The following CAMKMT variants were observed in gnomAD, a reference collection of about 807,000 sequenced individuals.
CAMKMT encodes CaM KMT.
In CAMKMT, 53 loss-of-function variants were observed where a neutral mutation model predicts 48.0. The observed-to-expected ratio is 1.10, with a 90% CI of 0.89 to 1.39. The LOEUF is 1.39. CAMKMT is among the 40% of genes most tolerant of loss of function. The pLI is 0.00. For synonymous variants in CAMKMT, 165 were observed against 152.3 expected (o/e 1.08, Z -0.61); for missense variants, 428 against 402.7 (o/e 1.06, Z -0.54).
intron 3 of CAMKMT, among the ~76,000 whole-genome samples, chr2:44,639,044 C>T (rs1027108510): frequency 6.6e-6 from 1 of 152,158 alleles, no homozygotes; most frequent in African/African-American, 2.4e-5. Context: ...ACATCGATTT[C>T]CTTTGGCTTT....
chr2:44,748,211 G>T (rs1258075341), intron 8 of CAMKMT, among the ~76,000 whole-genome samples: 1 of 152,148 alleles, frequency 6.6e-6, no homozygotes, highest in Non-Finnish European at 1.5e-5. Flanking sequence ...GAACTACAAA[G>T]AATTAATTTT....
At chr2:44,568,943 C>G (rs1242102437) in intron 3 of CAMKMT, among the ~76,000 whole-genome samples, 1 of 152,176 alleles carries the variant, frequency 6.6e-6, no homozygotes, top group Non-Finnish European at 1.5e-5. Context: ...AGGGTCAAGT[C>G]TTGGCTTAGA....
chr2:44,515,460 G>A (rs538177757), intron 3 of CAMKMT, among the ~76,000 whole-genome samples: 1 of 152,280 alleles, frequency 6.6e-6, no homozygotes, highest in South Asian at 2.1e-4. Context: ...GGGATTAGGG[G>A]AGTTACATGA....
chr2:44,735,676 C>A (rs756533934), intron 7 of CAMKMT, among the ~76,000 whole-genome samples: 2 of 151,248 alleles, frequency 1.3e-5, no homozygotes, highest in Non-Finnish European at 2.9e-5. Context: ...CCAAAGTGGG[C>A]GGATCACTTA....
intron 3 of CAMKMT, among the ~76,000 whole-genome samples, chr2:44,604,814 T>C (rs17390029): frequency 0.13 from 19,766 of 152,126 alleles, 1,442 homozygotes; most frequent in Admixed American, 0.23. Flanking sequence ...CCAGGAAATT[T>C]TATGACACAG....
At chr2:44,470,181 A>G (rs956445109) in intron 3 of CAMKMT, among the ~76,000 whole-genome samples, 1 of 152,080 alleles carries the variant, frequency 6.6e-6, no homozygotes, top group Admixed American at 6.6e-5. Context: ...GTGTCAATAT[A>G]GCTTTTGTAG....
intron 2 of CAMKMT, among the ~76,000 whole-genome samples, chr2:44,384,557 C>T (rs1041193588): frequency 7.0e-6 from 1 of 142,926 alleles, no homozygotes; most frequent in Non-Finnish European, 1.5e-5. Flanking sequence ...GAAATCCTTG[C>T]CTAAGACAAT....
chr2:44,723,599 A>C lies in CAMKMT; in HGVS notation c.623+8246A>C, dbSNP rs544437676. 273 of 104,782 alleles carry C rather than the reference A, an allele frequency of 2.6e-3. 2 individuals are homozygous for C. Among genetic ancestry groups the C allele is most frequent in the African/African-American group, 0.013 (259 of 20,466 alleles). 6.5% of individuals were successfully genotyped at this position (104,782 alleles called of 1,614,324 possible). ...GAGCAAGTCCATCTCAAAATAAATA[A>C]ATACATACATAAATAAATAAATAAA... On this transcript the variant is annotated intron_variant, in intron 7 of 10. Coordinates refer to ENST00000378494, the MANE Select transcript of CAMKMT (RefSeq NM_024766.5).
chr2:44,537,561 TTTTTTTTC>T (rs1256790162), intron 3 of CAMKMT, among the ~76,000 whole-genome samples: 2 of 152,106 alleles, frequency 1.3e-5, no homozygotes, highest in African/African-American at 4.8e-5. Context: ...GGGAACTCTT[TTTTTTTTC>T]TTTCTTTCTT....
chr2:44,608,361 C>T (rs910790651), intron 3 of CAMKMT, among the ~76,000 whole-genome samples: 2 of 151,986 alleles, frequency 1.3e-5, no homozygotes, highest in South Asian at 2.1e-4. Flanking sequence ...CATGAGCCAC[C>T]GCACCCAGCC....
chr2:44,648,932 C>T (rs754894989), intron 3 of CAMKMT, among the ~76,000 whole-genome samples: 1 of 152,224 alleles, frequency 6.6e-6, no homozygotes, highest in Non-Finnish European at 1.5e-5. Context: ...CAAATTACTA[C>T]TATAAACCCT....
At chr2:44,554,867 T>A (rs1034158673) in intron 3 of CAMKMT, among the ~76,000 whole-genome samples, 9 of 152,152 alleles carry the variant, frequency 5.9e-5, no homozygotes. Context: ...AGAGTGAGAC[T>A]GTCCTCAAAA....
At chr2:44,688,203 AG>A (rs1166653064) in intron 3 of CAMKMT, among the ~76,000 whole-genome samples, 2 of 152,070 alleles carry the variant, frequency 1.3e-5, no homozygotes, top group Non-Finnish European at 2.9e-5. Context: ...CAAAAAAAAA[AG>A]GTGTTAAAGA....
chr2:44,701,616 C>T (rs1316579776), intron 3 of CAMKMT, among the ~76,000 whole-genome samples: 6 of 152,178 alleles, frequency 3.9e-5, no homozygotes, highest in Non-Finnish European at 8.8e-5. Context: ...TATTGTACTA[C>T]TGTTGATGTT....
intron 6 of CAMKMT, 49 bp from the exon 7 acceptor site, chr2:44,715,238 T>A (rs1318784274): frequency 5.5e-6 from 7 of 1,266,512 alleles, no homozygotes; most frequent in Non-Finnish European, 7.8e-6. Context: ...ACCTTTTTTT[T>A]TGGTCACTTC....
intron 3 of CAMKMT, among the ~76,000 whole-genome samples, chr2:44,542,546 CTCTCTCTCTCTT>C (rs1428368097): frequency 2.7e-5 from 4 of 148,956 alleles, no homozygotes; most frequent in South Asian, 2.3e-4. Flanking sequence ...CACTCTCTCT[CTCTCTCTCTCTT>C]TCTCTCTCCA....
Position 44,624,427 on chromosome 2 carries a change from T to C in CAMKMT, c.377-79856T>C, listed in dbSNP as rs182309675. ...GTGCCATGTTGGTGTGCTGCACCTA[T>C]TAACTCGTCATTTAGCATTAGGTAT... On this transcript the variant is annotated intron_variant, in intron 3 of 10. Coordinates refer to ENST00000378494, the MANE Select transcript of CAMKMT (RefSeq NM_024766.5). Among the ~76,000 whole-genome samples the C allele has an allele frequency of 9.2e-3, 1,397 of 152,270 alleles. 14 individuals carry two copies. The highest frequency in any genetic ancestry group is 0.026 in the African/African-American group (1,092 of 41,558).
intron 2 of CAMKMT, among the ~76,000 whole-genome samples, chr2:44,376,700 A>T (rs560866382): frequency 6.6e-6 from 1 of 152,298 alleles, no homozygotes; most frequent in Non-Finnish European, 1.5e-5. Context: ...GTGAATTCAA[A>T]ATACCTAGTT....
chr2:44,378,495 T>A lies in CAMKMT; in HGVS notation c.311+5607T>A, dbSNP rs1190133204. Among the ~76,000 whole-genome samples the A allele has an allele frequency of 1.0e-3, 152 of 152,092 alleles. 1 individual carries two copies. Among genetic ancestry groups the A allele is most frequent in the African/African-American group, 3.4e-3 (142 of 41,518 alleles). ...AAGTTTGTTTGTTTGTTTGTTTGTT[T>A]GTTTGTTTGTTTGTTTTGAGACAGA... On this transcript the variant is annotated intron_variant, in intron 2 of 10. Transcript: ENST00000378494.
Sources: gnomAD v4.1 joint callset for allele counts (sites outside exome capture counted in the v4.1 genomes callset) on GRCh38, gnomAD v4.1.1 for gene constraint, MANE v1.5 for transcripts, NCBI Gene and HGNC (gene_info 2026-07-23, HGNC 2026-07-21) for gene names.